The following PFKFB3 variants were observed in gnomAD, a reference collection of about 807,000 sequenced individuals.
PFKFB3 encodes 6-phosphofructo-2-kinase/fructose-2,6-bisphosphatase 3.
In PFKFB3, 33 loss-of-function variants were observed where a neutral mutation model predicts 68.0. That is an observed-to-expected ratio of 0.49 (90% CI 0.37 to 0.65). PFKFB3 has a LOEUF of 0.65. Among genes scored for constraint, PFKFB3 ranks in the 30% least tolerant of loss-of-function variants. PFKFB3 has a pLI of 0.00. For missense variants in PFKFB3, 586 were observed against 712.2 expected (o/e 0.82, Z 2.02); for synonymous variants, 315 against 288.2 (o/e 1.09, Z -0.94).
At chr10:6,243,220 G>C (rs1846179252) in intron 14 of PFKFB3, among the ~76,000 whole-genome samples, 1 of 152,190 alleles carries the variant, frequency 6.6e-6, no homozygotes, top group Non-Finnish European at 1.5e-5. Context: ...AAAAAAGAGA[G>C]ATCCCTTTAA....
chr10:6,222,462 C>T (rs367757618), intron 10 of PFKFB3, among the ~76,000 whole-genome samples: 1 of 152,256 alleles, frequency 6.6e-6, no homozygotes, highest in East Asian at 1.9e-4. Flanking sequence ...AGGCCTTTCC[C>T]TCACTGCACA....
At chr10:6,293,907 T>C in the PFKFB3 span, 4 of 468,690 alleles carry the variant, frequency 8.5e-6, no homozygotes, top group East Asian at 2.2e-4. Context: ...CATTATCTAT[T>C]GATTTAAGCC....
At chr10:6,199,061 G>A (rs1003689467), upstream of PFKFB3, among the ~76,000 whole-genome samples, 12 of 152,130 alleles carry the variant, frequency 7.9e-5, no homozygotes, top group African/African-American at 1.4e-4. Flanking sequence ...CCCCCTCCCC[G>A]TGTCTTTGGC....
Position 6,177,419 on chromosome 10 carries a change from TTC to T in PFKFB3, c.16+32408_16+32409del, listed in dbSNP as rs1564599764. On this transcript the variant is annotated intron_variant, in intron 1 of 14. Transcript: ENST00000379789. The stretch of plus-strand genomic sequence containing the variant: ...TTCTTTCTTTCTTTCTTCTTTCTCT[TTC>T]TTCCTTTCTTTTCTTTCTCTTTCTT... 1.9e-3 allele frequency among the ~76,000 whole-genome samples: 249 copies of T among 132,454 alleles called. 8 individuals are homozygous for T. In the East Asian group the frequency reaches 0.02, roughly 11 times the overall value. The allele number at this position is 132,454 out of a possible 152,430, so 86.9% of individuals were successfully genotyped here.
At chr10:6,279,851 C>G in the PFKFB3 span, among the ~76,000 whole-genome samples, 1 of 152,246 alleles carries the variant, frequency 6.6e-6, no homozygotes, top group Admixed American at 6.5e-5. Flanking sequence ...CTGGGCTACT[C>G]TCTGCTGGGT....
intron 11 of PFKFB3, 82 bp from the exon 12 acceptor site, chr10:6,223,876 C>T (rs990440689): frequency 3.9e-6 from 5 of 1,281,108 alleles, no homozygotes; most frequent in Non-Finnish European, 5.7e-6. Context: ...CTCGGCCTCC[C>T]AAAGTGCTGG....
In PFKFB3 at chr10:6,250,188, G is replaced by A. The variant is rs1846349003; in HGVS notation, c.1516-3990G>A. 2.0e-5 allele frequency among the ~76,000 whole-genome samples: 3 copies of A among 152,250 alleles called. No homozygotes were observed. The South Asian group carries it at 6.2e-4, about 32-fold the overall frequency. On this transcript the variant is annotated intron_variant, in intron 14 of 14. Transcript: ENST00000640683. Reference sequence around the variant, plus strand: ...AGGTAAAAGGCTATGGTATAAAATAGTTTAACACATAAAATATAAGAGATG... The same window carrying A: ...AGGTAAAAGGCTATGGTATAAAATAATTTAACACATAAAATATAAGAGATG...
chr10:6,229,827 G>T lies in PFKFB3; in HGVS notation c.1516-3068G>T, dbSNP rs895309371. Reference sequence around the variant, plus strand: ...ATGGCAGGGTAGGGGATGGTTTGGGGATAAAACTGTTCTGCCTCAGATCGT... The same window carrying T: ...ATGGCAGGGTAGGGGATGGTTTGGGTATAAAACTGTTCTGCCTCAGATCGT... On this transcript the variant is annotated intron_variant, in intron 14 of 14. Coordinates refer to ENST00000379775, the MANE Select transcript of PFKFB3 (RefSeq NM_004566.4). This position sits in a 1 kb window ranked among gnomAD's most constrained non-coding sequence, Gnocchi z 4.3. Among the ~76,000 whole-genome samples the T allele has an allele frequency of 6.6e-6, 1 of 152,178 alleles. No homozygotes were observed. Among genetic ancestry groups the T allele is most frequent in the Non-Finnish European group, 1.5e-5 (1 of 68,026 alleles).
At chr10:6,294,176 T>C in the PFKFB3 span, 1 of 516,274 alleles carries the variant, frequency 1.9e-6, no homozygotes, top group Non-Finnish European at 3.9e-6. Flanking sequence ...GCTCTGGATA[T>C]AGTTTGGAAT....
chr10:6,202,716 C>T (rs2131856275), upstream of PFKFB3: 1 of 205,388 alleles, frequency 4.9e-6, no homozygotes, highest in South Asian at 1.1e-4. Context: ...TTCAGCAGGG[C>T]TGGGCGCGCT....
At chr10:6,254,432 A>C (rs1175350011) in exon 15 of PFKFB3, 2 of 398,302 alleles carry the variant, frequency 5.0e-6, no homozygotes, top group African/African-American at 4.1e-5. Context: ...AGCTTCCCTT[A>C]TGCTGTGGTT....
At chr10:6,300,680 C>T in the PFKFB3 span, among the ~76,000 whole-genome samples, 1 of 152,104 alleles carries the variant, frequency 6.6e-6, no homozygotes, top group African/African-American at 2.4e-5. Context: ...TTAACTCCAC[C>T]CAGAAGCCCT....
rs149667159 is a variant in PFKFB3, at chr10:6,188,568, G to T, written c.17-25055G>T. On this transcript the variant is annotated intron_variant, in intron 1 of 14. Transcript: ENST00000379789. ...GTTCAGTAGTGTTAGATGTATTCAC[G>T]CCATTGTGCAATAGATCTCTAGAAC... 1.4e-3 allele frequency among the ~76,000 whole-genome samples: 219 copies of T among 151,524 alleles called. 1 individual carries two copies. Among genetic ancestry groups the T allele is most frequent in the African/African-American group, 4.9e-3 (202 of 41,246 alleles).
rs1844552043 is a variant in PFKFB3, at chr10:6,215,957, A to G, written c.300-168A>G. Among the ~76,000 whole-genome samples, 1 of 152,120 alleles carries G rather than the reference A, an allele frequency of 6.6e-6. No homozygotes were observed. Among genetic ancestry groups the G allele is most frequent in the Non-Finnish European group, 1.5e-5 (1 of 68,014 alleles). ...CCTGAGGCCACCCGTGTGGGGCCCC[A>G]GGTTGGAAGCCTCTGGGCCTGAGGG... On this transcript the variant is annotated intron_variant, in intron 3 of 14. Coordinates refer to ENST00000379775, the MANE Select transcript of PFKFB3 (RefSeq NM_004566.4). This position sits in a 1 kb window ranked among gnomAD's most constrained non-coding sequence, Gnocchi z 4.3.
In PFKFB3 at chr10:6,220,499, G is replaced by C. The variant is rs1443488388; in HGVS notation, c.624-159G>C. The stretch of plus-strand genomic sequence containing the variant: ...ACACCAGCTGTGGGAGTTGTCTTAC[G>C]CATATGCTCTGCCCCTTAGAAGGAT... On this transcript the variant is annotated intron_variant, in intron 7 of 14. Transcript: ENST00000379775. The surrounding 1 kb of genome is among the most constrained non-coding windows in gnomAD (Gnocchi z 4.1). Among the ~76,000 whole-genome samples, 2 of 152,132 alleles carry C rather than the reference G, an allele frequency of 1.3e-5. No individual in the cohort carries two copies. The highest frequency in any genetic ancestry group is 2.9e-5 in the Non-Finnish European group (2 of 68,044).
intron 1 of PFKFB3, among the ~76,000 whole-genome samples, chr10:6,169,552 G>T (rs1404802383): frequency 6.6e-6 from 1 of 152,110 alleles, no homozygotes; most frequent in Non-Finnish European, 1.5e-5. Flanking sequence ...AGGCCCTGAG[G>T]GTTCTCCTGG....
chr10:6,222,653 G>A (rs1845051166), intron 10 of PFKFB3: 7 of 458,360 alleles, frequency 1.5e-5, no homozygotes, highest in Admixed American at 4.1e-5. Context: ...AGGTTCCCCC[G>A]TGTGGGAGCG....
chr10:6,238,503 G>C (rs1444065968), downstream of PFKFB3, among the ~76,000 whole-genome samples: 2 of 121,782 alleles, frequency 1.6e-5, no homozygotes, highest in African/African-American at 6.0e-5. Context: ...AAAAAAAAAA[G>C]ATGTGAAGGA....
chr10:6,157,287 C>T (rs1475792157), intron 1 of PFKFB3, among the ~76,000 whole-genome samples: 33 of 149,890 alleles, frequency 2.2e-4, no homozygotes, highest in African/African-American at 6.8e-4. Context: ...AGTGCAGTGG[C>T]GCGATCTCGG....
Sources: allele counts gnomAD v4.1 joint callset (sites outside exome capture counted in the v4.1 genomes callset), GRCh38; gene constraint gnomAD v4.1.1; non-coding constraint Gnocchi (gnomAD v3.1); transcripts MANE v1.5; gene names NCBI Gene and HGNC (gene_info 2026-07-23, HGNC 2026-07-21).